Variants in COMMD5 observed in about 807,000 individuals in gnomAD.
COMMD5 encodes the protein COMM domain-containing protein 5.
In COMMD5, 10 loss-of-function variants were observed where a neutral mutation model predicts 6.9. That is an observed-to-expected ratio of 1.44 (90% CI 0.89 to 2.45). The LOEUF (loss-of-function observed/expected upper bound fraction) is 2.45. COMMD5 is among the 30% of genes most tolerant of loss of function. The pLI is 0.00. For missense variants in COMMD5, 234 were observed against 287.8 expected, an observed-to-expected ratio of 0.81 and a Z score of 1.35; for synonymous variants, 127 against 125.3, an observed-to-expected ratio of 1.01 and a Z score of -0.09.
downstream of COMMD5, among the ~76,000 whole-genome samples, chr8:144,845,539 G>A (rs771966795): frequency 5.3e-5 from 8 of 152,298 alleles, no homozygotes; most frequent in South Asian, 2.1e-4. Context: ...GAATTTTCAC[G>A]TGAATCTGCT....
At chr8:144,838,860 TG>T, downstream of COMMD5, 1 of 36,146 alleles carries the variant, frequency 2.8e-5, no homozygotes, top group Non-Finnish European at 1.0e-4. Flanking sequence ...GAGAATGGTG[TG>T]AGCCCAGGAG....
At chr8:144,847,600 A>G (rs1187018137), downstream of COMMD5, 1 of 152,242 alleles carries the variant, frequency 6.6e-6, no homozygotes, top group South Asian at 2.1e-4. Context: ...GAAGCTTCAC[A>G]AAGTGAAGCA....
At chr8:144,838,856 G>C, downstream of COMMD5, 2 of 138,002 alleles carry the variant, frequency 1.4e-5, 1 homozygote, top group Non-Finnish European at 3.1e-5. Context: ...GCAGGAGAAT[G>C]GTGTGAGCCC....
At chr8:144,839,062 A>ACGCGCC (rs1829492275), downstream of COMMD5, among the ~76,000 whole-genome samples, 1 of 88,668 alleles carries the variant, frequency 1.1e-5, no homozygotes. Context: ...TTCCATTCAT[A>ACGCGCC]TGCGCCTAGG....
chr8:144,851,344 C>T lies in COMMD5; in HGVS notation c.-6G>A, dbSNP rs113025285. 4.4e-6 allele frequency: 7 copies of T among 1,597,230 alleles called. No homozygotes were observed. The highest frequency in any genetic ancestry group is 1.3e-5 in the African/African-American group (1 of 74,742). On this transcript the variant is annotated 5_prime_UTR_variant, in exon 2 of 2. Coordinates refer to ENST00000305103, the MANE Select transcript of COMMD5 (RefSeq NM_014066.4). Reference sequence around the variant, plus strand: ...GCAGCCCCCACAGCAGACATTGCTGCTGCTTCCTCTTTGATCAGCCAGCCC... The same window carrying T: ...GCAGCCCCCACAGCAGACATTGCTGTTGCTTCCTCTTTGATCAGCCAGCCC...
chr8:144,851,124 C>G lies in COMMD5; in HGVS notation c.215G>C (p.Gly72Ala), dbSNP rs150581721. The G allele has an allele frequency of 6.2e-6, 10 of 1,612,936 alleles. No individual in the cohort carries two copies. The highest frequency in any genetic ancestry group is 8.5e-6 in the Non-Finnish European group (10 of 1,179,952). ...CTCCTCCGGCAGGTTGGCGCTGACC[C>G]CAAGACGCTGCACAGCCTCTCGGCA... The part of the protein sequence containing the change: ...EDCREAVQRL[G>A]VSANLPEEQL... Residue 72 changes from glycine to alanine, a missense_variant, in exon 2 of 2, where the codon GGG becomes GCG. Physicochemically the swap from Gly to Ala is moderately conservative, Grantham distance 60. Transcript: ENST00000305103.
downstream of COMMD5, among the ~76,000 whole-genome samples, chr8:144,849,978 G>A (rs1011790520): frequency 2.0e-5 from 3 of 151,980 alleles, no homozygotes; most frequent in South Asian, 2.1e-4. Flanking sequence ...GCAGCCAGGC[G>A]GGCCTTAAGC....
intron 1 of COMMD5, chr8:144,843,005 T>C: frequency 1.2e-6 from 2 of 1,614,190 alleles, no homozygotes; most frequent in African/African-American, 1.3e-5. Flanking sequence ...ATAAAGAAAC[T>C]GCATCAGTGT....
chr8:144,842,304 C>G, intron 1 of COMMD5: 1 of 1,614,004 alleles, frequency 6.2e-7, no homozygotes, highest in Non-Finnish European at 8.5e-7. Context: ...ACAGTCCAAG[C>G]CTTGTTGCAC....
In COMMD5 at chr8:144,844,727, A is replaced by G. The variant is rs908889858; in HGVS notation, c.*117-2984T>C. Among the ~76,000 whole-genome samples the G allele has an allele frequency of 1.5e-3, 170 of 114,778 alleles. 3 individuals are homozygous for G. Among genetic ancestry groups the G allele is most frequent in the Admixed American group, 1.2e-3 (14 of 11,546 alleles). The allele number at this position is 114,778 out of a possible 152,430, so 75.3% of individuals were successfully genotyped here. On this transcript the variant is annotated intron_variant and NMD_transcript_variant, in intron 1 of 1. Coordinates refer to the COMMD5 transcript ENST00000530332. ...TCTGTATCAAAAAAAAAAAAAAAAA[A>G]AAAAAAAAACGAAAATGGGATGGAA...
intron 1 of COMMD5, chr8:144,842,139 C>G: frequency 6.2e-7 from 1 of 1,613,760 alleles, no homozygotes. Flanking sequence ...AAGCCTTCAG[C>G]CAGCAGTCGC....
chr8:144,839,623 T>A (rs1206786078), downstream of COMMD5, among the ~76,000 whole-genome samples: 5 of 152,226 alleles, frequency 3.3e-5, no homozygotes, highest in Non-Finnish European at 7.3e-5. Flanking sequence ...TGAGAGCTGC[T>A]GTTGATGGAC....
downstream of COMMD5, chr8:144,846,704 C>CTTCTTTTTTT (rs1273191489): frequency 6.5e-6 from 1 of 153,172 alleles, no homozygotes; most frequent in Non-Finnish European, 1.5e-5. Flanking sequence ...GAGGAGGAGT[C>CTTCTTTTTTT]TTCTTTTTTT....
intron 1 of COMMD5, 48 bp from the exon 2 acceptor site, chr8:144,851,443 G>C: frequency 7.7e-7 from 1 of 1,301,290 alleles, no homozygotes; most frequent in Non-Finnish European, 1.1e-6. Context: ...ACATCCTTTG[G>C]GCCAGCGAGT....
In COMMD5 at chr8:144,851,151, T is replaced by C. The variant is rs1586863684; in HGVS notation, c.188A>G (p.Asp63Gly). ...AAGACGCTGCACAGCCTCTCGGCAG[T>C]CCTCCCCCTGCAGGCTGCTGACCAC... ...KFVVSSLQGE[D>G]CREAVQRLGV... Residue 63 changes from aspartate to glycine, a missense_variant, in exon 2 of 2, where the codon GAC becomes GGC. Transcript: ENST00000305103. 1.2e-6 allele frequency: 2 copies of C among 1,613,220 alleles called. No individual in the cohort carries two copies. Among genetic ancestry groups the C allele is most frequent in the African/African-American group, 2.7e-5 (2 of 75,000 alleles).
At position 144,844,449 on chromosome 8, in the gene COMMD5, G is replaced by A. The variant is rs185372595; in HGVS notation, c.*117-2706C>T. On this transcript the variant is annotated intron_variant and NMD_transcript_variant, in intron 1 of 1. Coordinates refer to the COMMD5 transcript ENST00000530332. ...AAATGGGCCGGGCGTGGTGGCTCAC[G>A]CCTGTAATCCCAGCACTTTGGGAGG... 4.1e-4 allele frequency among the ~76,000 whole-genome samples: 62 copies of A among 151,832 alleles called. No homozygotes were observed. The East Asian group carries it at 9.9e-3, about 24-fold the overall frequency.
downstream of COMMD5, chr8:144,847,563 T>G (rs1298971120): frequency 6.6e-6 from 1 of 152,246 alleles, no homozygotes; most frequent in Non-Finnish European, 1.5e-5. Context: ...TTTATGACAC[T>G]GAATTGAAAC....
intron 1 of COMMD5, chr8:144,842,391 GAGTC>G (rs1563844081): frequency 6.2e-7 from 1 of 1,614,030 alleles, no homozygotes; most frequent in Non-Finnish European, 8.5e-7. Flanking sequence ...TCTCTCGCCT[GAGTC>G]AGCATCAGCT....
Position 144,850,935 on chromosome 8 carries a change from C to T in COMMD5, c.404G>A (p.Arg135Gln), listed in dbSNP as rs747513620. The part of the protein sequence containing the change: ...DLASVVFGSQ[R>Q]PLLDSVAQQQ... ...CTGGGCCACAGAATCAAGGAGGGGC[C>T]GCTGGCTCCCAAATACCACGCTGGC... is the stretch of plus-strand genomic sequence containing the variant. The change falls in exon 2 of 2, where the codon CGG becomes CAG. Residue 135 changes from arginine (R) to glutamine (Q), a missense_variant. Coordinates refer to ENST00000305103, the MANE Select transcript of COMMD5 (RefSeq NM_014066.4). This position sits in a 1 kb window ranked among gnomAD's most constrained non-coding sequence, Gnocchi z 4.0. 3.2e-5 allele frequency: 51 copies of T among 1,607,578 alleles called. No individual in the cohort carries two copies. Among genetic ancestry groups the T allele is most frequent in the Admixed American group, 1.7e-5 (1 of 58,978 alleles).
Sources: allele counts gnomAD v4.1 joint callset (sites outside exome capture counted in the v4.1 genomes callset), GRCh38; gene constraint gnomAD v4.1.1; non-coding constraint Gnocchi (gnomAD v3.1); transcripts MANE v1.5; gene names NCBI Gene and HGNC (gene_info 2026-07-23, HGNC 2026-07-21).